NCOA1: variants seen among roughly 807,000 people sequenced by gnomAD.
NCOA1 encodes the protein nuclear receptor coactivator 1.
NCOA1 carries 35 observed loss-of-function variants against 150.9 expected under a neutral mutation model. That is an observed-to-expected ratio of 0.23 (90% confidence interval 0.18 to 0.31). The LOEUF (loss-of-function observed/expected upper bound fraction) is 0.31. Ranked by LOEUF, NCOA1 falls within the 10% of genes least tolerant of loss-of-function variation. NCOA1 has a pLI of 1.00. For missense variants in NCOA1, 1,491 were observed against 1,749.3 expected, an observed-to-expected ratio of 0.85 and a Z score of 2.63; for synonymous variants, 590 against 630.0, an observed-to-expected ratio of 0.94 and a Z score of 0.95.
Position 24,708,348 on chromosome 2 carries a change from G to T in NCOA1, c.2418+460G>T, listed in dbSNP as rs536643871. ...TTCCTTTGAAGCATTTCCTAAGGCT[G>T]TTTTTTCCTTCTCATCTGATTCTGA... is the stretch of plus-strand genomic sequence containing the variant. On this transcript the variant is annotated intron_variant, in intron 13 of 22. Transcript: ENST00000348332. Among the ~76,000 whole-genome samples the T allele has an allele frequency of 1.4e-4, 21 of 152,248 alleles. No homozygotes were observed. In the South Asian group the frequency reaches 4.3e-3, roughly 32 times the overall value.
chr2:24,595,596 C>T (rs1667851463), intron 3 of NCOA1, among the ~76,000 whole-genome samples: 1 of 152,116 alleles, frequency 6.6e-6, no homozygotes, highest in Non-Finnish European at 1.5e-5. Context: ...TAGCCAGCCT[C>T]CATTTTTACA....
At chr2:24,504,189 G>T (rs1663596324) in intron 1 of NCOA1, among the ~76,000 whole-genome samples, 1 of 152,198 alleles carries the variant, frequency 6.6e-6, no homozygotes, top group Admixed American at 6.5e-5. Context: ...ATCTGGGTAG[G>T]CTTTCTAGAG....
chr2:24,635,059 A>G (rs1669880152), intron 3 of NCOA1, among the ~76,000 whole-genome samples: 1 of 152,130 alleles, frequency 6.6e-6, no homozygotes, highest in South Asian at 2.1e-4. Flanking sequence ...GATTGCACAG[A>G]TGATCATGTA....
At chr2:24,502,836 T>C (rs1387725019) in intron 1 of NCOA1, among the ~76,000 whole-genome samples, 1 of 152,216 alleles carries the variant, frequency 6.6e-6, no homozygotes. Context: ...GCTTATTAAG[T>C]GTTCAGACCA....
Position 24,705,234 on chromosome 2 carries a change from G to C in NCOA1, c.1097+1G>C. 6.2e-7 allele frequency: 1 copy of C among 1,613,578 alleles called. No homozygotes were observed. Among genetic ancestry groups the C allele is most frequent in the Non-Finnish European group, 8.5e-7 (1 of 1,179,590 alleles). On this transcript the variant is annotated splice_donor_variant, in intron 12 of 22. Coordinates refer to ENST00000348332, the MANE Select transcript of NCOA1 (RefSeq NM_003743.5). LOFTEE classifies it high-confidence loss of function. ...TCATGGGAATTCATATCATCGACAG[G>C]TACTACTTATTTGGAGAGCTTCATA...
chr2:24,641,277 A>G (rs1209669063), intron 3 of NCOA1, among the ~76,000 whole-genome samples: 1 of 151,246 alleles, frequency 6.6e-6, no homozygotes, highest in Non-Finnish European at 1.5e-5. Context: ...ATTAACATTT[A>G]ATATATTATA....
At position 24,768,488 on chromosome 2, in the gene NCOA1, G is replaced by T; in HGVS notation, c.*97G>T. 4.1e-6 allele frequency: 1 copy of T among 246,032 alleles called. No homozygotes were observed. The highest frequency in any genetic ancestry group is 6.7e-6 in the Non-Finnish European group (1 of 149,862). 15.2% of individuals were successfully genotyped at this position (246,032 alleles called of 1,614,324 possible). Reference sequence around the variant, plus strand: ...GAGATTTTTGATATCTCAATCTGCAGCCATTCTTCAGGTCGTAGCATTTGG... The same window carrying T: ...GAGATTTTTGATATCTCAATCTGCATCCATTCTTCAGGTCGTAGCATTTGG... On this transcript the variant is annotated 3_prime_UTR_variant, in exon 23 of 23. Transcript: ENST00000348332.
chr2:24,568,182 A>G (rs1666590846), intron 2 of NCOA1, among the ~76,000 whole-genome samples: 1 of 152,224 alleles, frequency 6.6e-6, no homozygotes, highest in African/African-American at 2.4e-5. Context: ...AGAGTTTTAC[A>G]TTTGAACTTC....
intron 1 of NCOA1, among the ~76,000 whole-genome samples, chr2:24,524,198 G>A (rs981580915): frequency 5.3e-5 from 8 of 152,060 alleles, no homozygotes; most frequent in Non-Finnish European, 8.8e-5. Flanking sequence ...AGATACTTCC[G>A]GTTAGGCTAA....
intron 3 of NCOA1, among the ~76,000 whole-genome samples, chr2:24,606,324 C>T (rs952969742): frequency 2.0e-5 from 3 of 152,102 alleles, no homozygotes; most frequent in Non-Finnish European, 4.4e-5. Flanking sequence ...GCAACCTCCA[C>T]CTCTTGGGTT....
rs1672753078 is a variant in NCOA1, at chr2:24,693,245, T to C, written c.713-7T>C. ...ATCCTTCAATTTCCCCGTCTTGTTT[T>C]GGGCAGATTTCCAGTCATGTCTGAT... is the stretch of plus-strand genomic sequence containing the variant. On this transcript the variant is annotated splice_region_variant and splice_polypyrimidine_tract_variant and intron_variant, in intron 9 of 22. Transcript: ENST00000348332. 11 of 1,613,794 alleles carry C rather than the reference T, an allele frequency of 6.8e-6. No homozygotes were observed. Among genetic ancestry groups the C allele is most frequent in the Non-Finnish European group, 8.5e-6 (10 of 1,179,628 alleles).
intron 19 of NCOA1, among the ~76,000 whole-genome samples, chr2:24,746,172 G>A (rs1473411649): frequency 6.6e-6 from 1 of 152,226 alleles, no homozygotes. Flanking sequence ...ATGAATGAAA[G>A]TATGAATTCT....
At chr2:24,599,673 T>C (rs1237498034) in intron 3 of NCOA1, among the ~76,000 whole-genome samples, 7 of 151,904 alleles carry the variant, frequency 4.6e-5, no homozygotes. Context: ...TAATTTGGAA[T>C]ATCTTGTAAC....
chr2:24,545,551 T>C (rs1420160290), intron 1 of NCOA1, among the ~76,000 whole-genome samples: 1 of 152,102 alleles, frequency 6.6e-6, no homozygotes, highest in Non-Finnish European at 1.5e-5. Context: ...ACCCCCCACC[T>C]CCTACCACCC....
intron 1 of NCOA1, chr2:24,492,108 C>T (rs1225693046): frequency 6.6e-6 from 1 of 152,206 alleles, no homozygotes; most frequent in Non-Finnish European, 1.5e-5. Context: ...GCGTCCCTCT[C>T]CGTCGGCGCA....
intron 5 of NCOA1, among the ~76,000 whole-genome samples, chr2:24,662,800 T>C (rs1426440667): frequency 1.3e-5 from 2 of 151,430 alleles, no homozygotes; most frequent in Non-Finnish European, 2.9e-5. Flanking sequence ...TTTTTTTTTC[T>C]GTTAAGGGAC....
At chr2:24,762,394 G>A (rs55830094) in intron 21 of NCOA1, among the ~76,000 whole-genome samples, 11,304 of 152,206 alleles carry the variant, frequency 0.074, 513 homozygotes, top group African/African-American at 0.12. Flanking sequence ...AGAATATAGA[G>A]AAAAGTGTAC....
chr2:24,739,528 C>G lies in NCOA1; in HGVS notation c.3298C>G (p.Pro1100Ala). The change falls in exon 18 of 23, where the codon CCT (proline) becomes GCT (alanine). Residue 1100 changes from proline to alanine, a missense_variant. Pro to Ala is a conservative substitution (Grantham distance 27, BLOSUM62 -1). Coordinates refer to ENST00000348332, the MANE Select transcript of NCOA1 (RefSeq NM_003743.5). ...ATCAGGCATGCAACAGCAAATTACA[C>G]CTCAGGTAATGTGAGAAAACCAGAC... is the stretch of plus-strand genomic sequence containing the variant. ...MRSGMQQQIT[P>A]QPPLNAQMLA... The G allele has an allele frequency of 6.2e-7, 1 of 1,610,844 alleles. No homozygotes were observed. The highest frequency in any genetic ancestry group is 8.5e-7 in the Non-Finnish European group (1 of 1,177,048).
chr2:24,688,945 A>G (rs1036829079), intron 8 of NCOA1, among the ~76,000 whole-genome samples: 2 of 152,236 alleles, frequency 1.3e-5, no homozygotes, highest in South Asian at 2.1e-4. Context: ...AAAGAGGTCC[A>G]GTTTTAATCT....
Sources: allele counts gnomAD v4.1 joint callset (sites outside exome capture counted in the v4.1 genomes callset), GRCh38; gene constraint gnomAD v4.1.1; transcripts MANE v1.5; gene names NCBI Gene and HGNC (gene_info 2026-07-23, HGNC 2026-07-21).